ATP11C: variants seen among roughly 807,000 people sequenced by gnomAD.
ATP11C encodes the protein ATPase phospholipid transporting 11C (ATP11C blood group), also known as phospholipid-transporting ATPase IG.
ATP11C carries 36 observed loss-of-function variants against 97.4 expected under a neutral mutation model. The observed-to-expected ratio is 0.37, with a 90% CI of 0.28 to 0.49. ATP11C has a LOEUF of 0.49. Among genes scored for constraint, ATP11C ranks in the 20% least tolerant of loss-of-function variants. ATP11C has a pLI of 0.98. For synonymous variants in ATP11C, 275 were observed against 290.9 expected, an observed-to-expected ratio of 0.95 and a Z score of 0.56; for missense variants, 730 against 824.6, an observed-to-expected ratio of 0.89 and a Z score of 1.40.
At chrX:139,797,138 C>CA (rs756601959) in intron 11 of ATP11C, 38 bp downstream of exon 11, 4 of 1,184,661 alleles carry the variant, frequency 3.4e-6, no homozygotes, top group Admixed American at 2.4e-5. Flanking sequence ...GGCTCAGTCA[C>CA]AAAAAATAGT....
Position 139,754,380 on chromosome X carries a change from T to C in ATP11C, c.2700+3428A>G, listed in dbSNP as rs999489245. 3.6e-5 allele frequency among the ~76,000 whole-genome samples: 4 copies of C among 111,216 alleles called. No homozygotes were observed. In the South Asian group the frequency reaches 1.1e-3, roughly 32 times the overall value. On this transcript the variant is annotated intron_variant, in intron 23 of 29. Transcript: ENST00000682941. ...ACCAAAAAAAAAGCTCAGGACCAGA[T>C]GGAGTCACAGCCAAATTCTACCAGA...
Position 139,730,296 on chromosome X carries a change from G to T in ATP11C, c.*4-1334C>A, listed in dbSNP as rs2081315620. Among the ~76,000 whole-genome samples the T allele has an allele frequency of 2.7e-5, 3 of 111,285 alleles. No individual in the cohort carries two copies. The South Asian group carries it at 1.1e-3, about 42-fold the overall frequency. On this transcript the variant is annotated intron_variant, in intron 29 of 29. Transcript: ENST00000682941. ...CAAGCTAAAGAGAGCAATCCAGGGG[G>T]ATACAAAATTAGCCAGAAACAATAT...
intron 1 of ATP11C, among the ~76,000 whole-genome samples, chrX:139,894,648 CA>C (rs961454017): frequency 2.8e-5 from 3 of 106,684 alleles, no homozygotes; most frequent in East Asian, 2.9e-4. Flanking sequence ...ATGTTTCCAG[CA>C]AAAAAAAAGA....
chrX:139,736,454 T>C lies in ATP11C; in HGVS notation c.3288+1462A>G, dbSNP rs182639379. ...TCCAAAGTATACTCCCAAATAAGGA[T>C]GGAAGAGCAACTTGGAAATCTTTCC... On this transcript the variant is annotated intron_variant, in intron 28 of 29. Coordinates refer to ENST00000682941, the MANE Select transcript of ATP11C (RefSeq NM_001353812.2). 5.8e-3 allele frequency among the ~76,000 whole-genome samples: 643 copies of C among 111,660 alleles called. 10 individuals are homozygous for C. The highest frequency in any genetic ancestry group is 0.019 in the African/African-American group (590 of 30,835).
intron 1 of ATP11C, among the ~76,000 whole-genome samples, chrX:139,884,779 T>C (rs186909613): frequency 8.9e-6 from 1 of 112,347 alleles, no homozygotes; most frequent in East Asian, 2.8e-4. Context: ...CAAACAACTA[T>C]AGAAATCATT....
At chrX:139,737,803 G>A (rs1461882092) in intron 28 of ATP11C, 113 bp downstream of exon 28, 3 of 776,729 alleles carry the variant, frequency 3.9e-6, no homozygotes, top group East Asian at 3.2e-5. Context: ...GAACCTGTAA[G>A]GAGGGGTTTA....
chrX:139,864,772 C>A (rs952953145), intron 1 of ATP11C, among the ~76,000 whole-genome samples: 1 of 111,882 alleles, frequency 8.9e-6, no homozygotes, highest in African/African-American at 3.2e-5. Context: ...TCCAAGAAAC[C>A]AAGATGAGTA....
At chrX:139,799,932 G>C in intron 8 of ATP11C, 128 bp downstream of exon 8, 1 of 576,045 alleles carries the variant, frequency 1.7e-6, no homozygotes, top group Non-Finnish European at 2.9e-6. Context: ...GATTACAGGC[G>C]TGAGCTACCG....
chrX:139,749,951 C>A, intron 24 of ATP11C, 74 bp downstream of exon 24: 1 of 1,027,427 alleles, frequency 9.7e-7, no homozygotes. Flanking sequence ...GTTCTGTGTT[C>A]TTCCCATCTG....
chrX:139,826,459 A>G (rs1603391531), intron 2 of ATP11C, among the ~76,000 whole-genome samples: 1 of 111,512 alleles, frequency 9.0e-6, no homozygotes, highest in Non-Finnish European at 1.9e-5. Context: ...AGTAATATGC[A>G]TAATCAACAA....
chrX:139,860,661 T>C (rs1483451647), intron 1 of ATP11C, among the ~76,000 whole-genome samples: 1 of 110,774 alleles, frequency 9.0e-6, no homozygotes, highest in Non-Finnish European at 1.9e-5. Context: ...CTACTAAAAC[T>C]ACAAAAATTA....
At chrX:139,827,964 G>C (rs996553650) in intron 1 of ATP11C, among the ~76,000 whole-genome samples, 1 of 111,620 alleles carries the variant, frequency 9.0e-6, no homozygotes, top group African/African-American at 3.3e-5. Flanking sequence ...CACCCCCCAA[G>C]TACAGATAAA....
chrX:139,877,517 T>C (rs189119828), intron 1 of ATP11C, among the ~76,000 whole-genome samples: 2 of 110,896 alleles, frequency 1.8e-5, no homozygotes, highest in Non-Finnish European at 3.8e-5. Context: ...CACCACAAGA[T>C]ATACACACCT....
At chrX:139,877,189 T>C (rs1400599852) in intron 1 of ATP11C, among the ~76,000 whole-genome samples, 1 of 112,235 alleles carries the variant, frequency 8.9e-6, no homozygotes, top group Non-Finnish European at 1.9e-5. Flanking sequence ...GGGGCCTATG[T>C]GCAGTACCAA....
At chrX:139,779,102 G>A (rs909274816) in intron 18 of ATP11C, among the ~76,000 whole-genome samples, 5 of 111,420 alleles carry the variant, frequency 4.5e-5, no homozygotes, top group African/African-American at 1.6e-4. Context: ...ATCATCCCTA[G>A]ACCTAAGGAA....
intron 23 of ATP11C, among the ~76,000 whole-genome samples, chrX:139,754,069 T>G (rs2081880463): frequency 9.0e-6 from 1 of 110,588 alleles, no homozygotes; most frequent in African/African-American, 3.3e-5. Context: ...ATAATATACA[T>G]AGACCATTAG....
At chrX:139,762,922 GC>G (rs1369120273) in intron 21 of ATP11C, among the ~76,000 whole-genome samples, 1 of 111,676 alleles carries the variant, frequency 9.0e-6, no homozygotes, top group Non-Finnish European at 1.9e-5. Context: ...TCATTTCTTA[GC>G]CCCAAACAGT....
intron 27 of ATP11C, among the ~76,000 whole-genome samples, chrX:139,739,291 GT>G (rs1276136008): frequency 1.0e-3 from 100 of 100,120 alleles, no homozygotes; most frequent in Middle Eastern, 4.9e-3. Flanking sequence ...GTTGTTTTTT[GT>G]TTTTTTTTTT....
intron 1 of ATP11C, among the ~76,000 whole-genome samples, chrX:139,908,001 T>A (rs1020706007): frequency 9.0e-6 from 1 of 111,126 alleles, no homozygotes; most frequent in African/African-American, 3.3e-5. Context: ...GGATACTCAA[T>A]AAATATGTGT....
Sources: allele counts gnomAD v4.1 joint callset (sites outside exome capture counted in the v4.1 genomes callset), GRCh38; gene constraint gnomAD v4.1.1; transcripts MANE v1.5; gene names NCBI Gene and HGNC (gene_info 2026-07-23, HGNC 2026-07-21).